CDKAL1: variants seen among roughly 807,000 people sequenced by gnomAD.
The protein encoded by CDKAL1 is threonylcarbamoyladenosine tRNA methylthiotransferase.
CDKAL1 carries 32 observed loss-of-function variants against 68.2 expected under a neutral mutation model. The ratio of observed to expected loss-of-function variants is 0.47; its 90% CI spans 0.35 to 0.63. The LOEUF (loss-of-function observed/expected upper bound fraction) is 0.63. Among genes scored for constraint, CDKAL1 ranks in the 30% least tolerant of loss-of-function variants. CDKAL1 has a pLI of 0.00. For synonymous variants in CDKAL1, 234 were observed against 244.3 expected, an observed-to-expected ratio of 0.96 and a Z score of 0.39; for missense variants, 606 against 696.7, an observed-to-expected ratio of 0.87 and a Z score of 1.47.
At chr6:20,940,899 G>A (rs1040918375) in intron 9 of CDKAL1, among the ~76,000 whole-genome samples, 9 of 152,068 alleles carry the variant, frequency 5.9e-5, no homozygotes, top group Admixed American at 2.6e-4. Context: ...GACCATCCTG[G>A]CTAACACAGT....
At chr6:20,729,685 G>A (rs1476917902) in intron 5 of CDKAL1, among the ~76,000 whole-genome samples, 1 of 152,302 alleles carries the variant, frequency 6.6e-6, no homozygotes, top group East Asian at 1.9e-4. Context: ...GCAGAGAGAG[G>A]TTAAGTAATT....
At chr6:21,147,452 A>C (rs552399478) in intron 13 of CDKAL1, among the ~76,000 whole-genome samples, 1 of 152,282 alleles carries the variant, frequency 6.6e-6, no homozygotes, top group East Asian at 1.9e-4. Context: ...CCATCACACA[A>C]AGGCTTAGAG....
intron 10 of CDKAL1, among the ~76,000 whole-genome samples, chr6:20,962,526 T>C (rs1326607799): frequency 1.3e-5 from 2 of 152,234 alleles, no homozygotes; most frequent in Non-Finnish European, 1.5e-5. Context: ...ATTAATAATA[T>C]GTTTGCCTTT....
chr6:21,031,591 A>G (rs1769294325), intron 11 of CDKAL1, among the ~76,000 whole-genome samples: 1 of 151,766 alleles, frequency 6.6e-6, no homozygotes. Flanking sequence ...TTGAGCTCTG[A>G]GGGCCAGGCC....
At chr6:20,736,126 CT>C (rs70990062) in intron 5 of CDKAL1, among the ~76,000 whole-genome samples, 48 of 145,618 alleles carry the variant, frequency 3.3e-4, no homozygotes, top group East Asian at 2.4e-3. Flanking sequence ...ACAACTATTT[CT>C]TTTTTTTTTT....
At chr6:21,011,142 G>T (rs541920113) in intron 11 of CDKAL1, among the ~76,000 whole-genome samples, 7 of 151,286 alleles carry the variant, frequency 4.6e-5, no homozygotes, top group Admixed American at 1.3e-4. Flanking sequence ...ACTTTGGGAG[G>T]CCAAGGCGGG....
At chr6:20,640,900 A>C (rs1256159342) in intron 4 of CDKAL1, among the ~76,000 whole-genome samples, 1 of 152,218 alleles carries the variant, frequency 6.6e-6, no homozygotes, top group Non-Finnish European at 1.5e-5. Context: ...TTACATGAAA[A>C]AATGAATGTG....
At chr6:20,697,761 C>G (rs1380650595) in intron 5 of CDKAL1, among the ~76,000 whole-genome samples, 1 of 152,136 alleles carries the variant, frequency 6.6e-6, no homozygotes, top group East Asian at 1.9e-4. Flanking sequence ...TTAGTTTCTG[C>G]CAAACAAGTT....
At chr6:20,744,457 A>G (rs1343111564) in intron 6 of CDKAL1, among the ~76,000 whole-genome samples, 1 of 152,172 alleles carries the variant, frequency 6.6e-6, no homozygotes, top group Non-Finnish European at 1.5e-5. Context: ...ATGCAGCAGT[A>G]TATAAAATCG....
chr6:21,097,054 G>A (rs1361869725), intron 12 of CDKAL1, among the ~76,000 whole-genome samples: 1 of 152,194 alleles, frequency 6.6e-6, no homozygotes, highest in Non-Finnish European at 1.5e-5. Context: ...GCAAGACTTG[G>A]ATTAAGCCCT....
intron 15 of CDKAL1, among the ~76,000 whole-genome samples, chr6:21,213,969 T>C (rs6929219): frequency 0.07 from 10,644 of 152,240 alleles, 420 homozygotes; most frequent in Non-Finnish European, 0.09. Flanking sequence ...ATGTGGTATG[T>C]AGTAGAATGG....
At chr6:20,774,192 G>A (rs1775071417) in intron 7 of CDKAL1, among the ~76,000 whole-genome samples, 1 of 152,120 alleles carries the variant, frequency 6.6e-6, no homozygotes, top group Non-Finnish European at 1.5e-5. Flanking sequence ...GCTGTTTATA[G>A]AGCCTTTAGA....
intron 13 of CDKAL1, among the ~76,000 whole-genome samples, chr6:21,188,953 A>G (rs1399096037): frequency 1.3e-5 from 2 of 152,146 alleles, no homozygotes; most frequent in Admixed American, 6.5e-5. Context: ...TGGATCCCTG[A>G]CGCCAGGCAG....
chr6:20,793,665 A>G (rs1775992894), intron 8 of CDKAL1, among the ~76,000 whole-genome samples: 1 of 151,752 alleles, frequency 6.6e-6, no homozygotes, highest in Non-Finnish European at 1.5e-5. Context: ...TTGGAATATA[A>G]CTAACATACT....
At position 20,955,624 on chromosome 6, in the gene CDKAL1, C is replaced by CT. The variant is rs766536166; in HGVS notation, c.909+40dup. On this transcript the variant is annotated intron_variant, in intron 10 of 15. Coordinates refer to ENST00000274695, the MANE Select transcript of CDKAL1 (RefSeq NM_017774.3). Reference sequence around the variant, plus strand: ...CCCTATTTGCATGCTAACATAGACACTAACCAGTCCAGACAGTGTGGCAGC... The same window carrying CT: ...CCCTATTTGCATGCTAACATAGACACTTAACCAGTCCAGACAGTGTGGCAGC... The CT allele has an allele frequency of 1.1e-5, 18 of 1,583,256 alleles. No individual in the cohort carries two copies. In the South Asian group the frequency reaches 1.8e-4, roughly 16 times the overall value.
At chr6:21,220,176 T>C (rs74696386) in intron 15 of CDKAL1, among the ~76,000 whole-genome samples, 7,851 of 152,094 alleles carry the variant, frequency 0.052, 677 homozygotes, top group African/African-American at 0.18. Context: ...GGTTCCTTTT[T>C]TATGTTAAAG....
chr6:20,682,620 C>T (rs989956319), intron 5 of CDKAL1, among the ~76,000 whole-genome samples: 1 of 152,126 alleles, frequency 6.6e-6, no homozygotes, highest in African/African-American at 2.4e-5. Context: ...ATTCGATCAC[C>T]TCCCATCAGG....
chr6:21,140,217 A>C (rs1775826277), intron 13 of CDKAL1, among the ~76,000 whole-genome samples: 1 of 152,226 alleles, frequency 6.6e-6, no homozygotes, highest in African/African-American at 2.4e-5. Context: ...TACATTTCTC[A>C]AGGGTAAGGA....
chr6:21,098,709 G>A (rs1312603758), intron 12 of CDKAL1, among the ~76,000 whole-genome samples: 1 of 152,074 alleles, frequency 6.6e-6, no homozygotes, highest in Admixed American at 6.6e-5. Flanking sequence ...AGTTGAGTGG[G>A]TTCTTTCTGT....
Sources: gnomAD v4.1 joint callset for allele counts (sites outside exome capture counted in the v4.1 genomes callset) on GRCh38, gnomAD v4.1.1 for gene constraint, MANE v1.5 for transcripts, NCBI Gene and HGNC (gene_info 2026-07-23, HGNC 2026-07-21) for gene names.